Variants in SLC44A5 observed in about 807,000 individuals in gnomAD.
SLC44A5 encodes the protein choline transporter-like protein 5.
In SLC44A5, 57 loss-of-function variants were observed where a neutral mutation model predicts 101.8. The ratio of observed to expected loss-of-function variants is 0.56; its 90% CI spans 0.45 to 0.70. The LOEUF is 0.70. SLC44A5 is among the 30% of genes least tolerant of loss of function. The probability of loss-of-function intolerance (pLI) is 0.00; values close to 1 mark genes in which losing one functional copy is unlikely to be tolerated. For synonymous variants in SLC44A5, 281 were observed against 290.9 expected (o/e 0.97, Z 0.35); for missense variants, 737 against 853.1 (o/e 0.86, Z 1.70).
At chr1:75,685,146 G>A in the SLC44A5 span, among the ~76,000 whole-genome samples, 1 of 152,168 alleles carries the variant, frequency 6.6e-6, no homozygotes, top group Non-Finnish European at 1.5e-5. Flanking sequence ...TTTTAGCCAT[G>A]GCAGGGATGC....
chr1:75,319,571 G>C (rs1175336944), intron 4 of SLC44A5, among the ~76,000 whole-genome samples: 1 of 152,186 alleles, frequency 6.6e-6, no homozygotes, highest in Non-Finnish European at 1.5e-5. Flanking sequence ...CAAGACCCAA[G>C]TTCTGCCTTT....
intron 12 of SLC44A5, among the ~76,000 whole-genome samples, chr1:75,228,449 T>C (rs1016421925): frequency 2.4e-4 from 37 of 152,162 alleles, no homozygotes; most frequent in African/African-American, 8.7e-4. Flanking sequence ...TTACATGTTG[T>C]ATAACTTTTA....
At chr1:75,711,755 T>C in the SLC44A5 span, among the ~76,000 whole-genome samples, 4 of 152,172 alleles carry the variant, frequency 2.6e-5, no homozygotes, top group Admixed American at 2.0e-4. Context: ...CCTCAAAGCA[T>C]CCCTCTGTCT....
intron 2 of SLC44A5, among the ~76,000 whole-genome samples, chr1:75,456,968 A>G (rs1400446174): frequency 1.3e-5 from 2 of 152,240 alleles, no homozygotes; most frequent in Non-Finnish European, 2.9e-5. Flanking sequence ...TGGGAGAAAC[A>G]GCCTGTTATA....
At chr1:75,227,664 T>C (rs1444344337) in intron 13 of SLC44A5, 62 bp downstream of exon 13, 2 of 1,401,898 alleles carry the variant, frequency 1.4e-6, no homozygotes, top group Non-Finnish European at 9.5e-7. Context: ...AGTTTTCCTT[T>C]AGGCAAAAAG....
chr1:75,421,153 G>C (rs1557767628), intron 2 of SLC44A5, among the ~76,000 whole-genome samples: 1 of 151,796 alleles, frequency 6.6e-6, no homozygotes, highest in South Asian at 2.1e-4. Flanking sequence ...CCATAAAATA[G>C]CTTGAAAAAT....
At chr1:75,718,938 T>C in the SLC44A5 span, among the ~76,000 whole-genome samples, 1 of 152,238 alleles carries the variant, frequency 6.6e-6, no homozygotes, top group African/African-American at 2.4e-5. Flanking sequence ...TGTGTTATTT[T>C]ATGGCAATAT....
At chr1:75,330,140 CAT>C (rs1401526204) in intron 4 of SLC44A5, among the ~76,000 whole-genome samples, 7 of 90,210 alleles carry the variant, frequency 7.8e-5, no homozygotes, top group African/African-American at 2.5e-4. Context: ...CACACACACA[CAT>C]GCATATACGT....
chr1:75,440,610 T>C (rs911142571), intron 2 of SLC44A5, among the ~76,000 whole-genome samples: 17 of 152,122 alleles, frequency 1.1e-4, no homozygotes, highest in Non-Finnish European at 1.6e-4. Flanking sequence ...CGTGATCTCT[T>C]TTACATTTGT....
chr1:75,389,266 T>C (rs1661623448), intron 3 of SLC44A5, among the ~76,000 whole-genome samples: 1 of 152,132 alleles, frequency 6.6e-6, no homozygotes, highest in African/African-American at 2.4e-5. Context: ...TGTTAGATCA[T>C]CAAGGCAGAA....
intron 4 of SLC44A5, among the ~76,000 whole-genome samples, chr1:75,324,269 C>A (rs1656403287): frequency 6.6e-6 from 1 of 152,132 alleles, no homozygotes; most frequent in African/African-American, 2.4e-5. Flanking sequence ...CTTAAATGAT[C>A]TTCAAAGCAA....
intron 3 of SLC44A5, among the ~76,000 whole-genome samples, chr1:75,352,066 G>C (rs1295530098): frequency 6.6e-6 from 1 of 151,812 alleles, no homozygotes; most frequent in Non-Finnish European, 1.5e-5. Flanking sequence ...GATTTCTTTG[G>C]AGTACTGATA....
At chr1:75,250,321 G>T (rs587787) in intron 7 of SLC44A5, among the ~76,000 whole-genome samples, 106,668 of 152,004 alleles carry the variant, frequency 0.7, 37,923 homozygotes, top group East Asian at 0.93. Flanking sequence ...GTCTCTGCGA[G>T]GGACGTGACC....
At chr1:75,602,195 C>T (rs1675020815) in intron 1 of SLC44A5, among the ~76,000 whole-genome samples, 1 of 152,060 alleles carries the variant, frequency 6.6e-6, no homozygotes, top group East Asian at 1.9e-4. Flanking sequence ...TATTTATAAT[C>T]TATTATTTGC....
chr1:75,642,961 T>C, the SLC44A5 span, among the ~76,000 whole-genome samples: 1 of 152,190 alleles, frequency 6.6e-6, no homozygotes, highest in Non-Finnish European at 1.5e-5. Context: ...TAATTTGGCT[T>C]TAAAAATAGC....
intron 2 of SLC44A5, among the ~76,000 whole-genome samples, chr1:75,447,708 A>T (rs1380538262): frequency 2.6e-5 from 4 of 151,634 alleles, no homozygotes; most frequent in Non-Finnish European, 5.9e-5. Context: ...AAATACCCTA[A>T]TTTTTTCTTT....
rs144245109 is a variant in SLC44A5, at chr1:75,249,249, G to A, written c.345+1961C>T. Among the ~76,000 whole-genome samples the A allele has an allele frequency of 1.8e-3, 271 of 152,086 alleles. 1 individual carries two copies. The highest frequency in any genetic ancestry group is 6.3e-3 in the African/African-American group (261 of 41,484). ...AGCAGATTTACAAACTAATCCTAGG[G>A]ACTAGCTTTGGGTATAGTTACCGGC... On this transcript the variant is annotated intron_variant, in intron 7 of 23. Coordinates refer to ENST00000370859, the MANE Select transcript of SLC44A5 (RefSeq NM_001130058.2).
At chr1:75,281,634 A>AGGGGG (rs1652568439) in intron 5 of SLC44A5, among the ~76,000 whole-genome samples, 1 of 32,284 alleles carries the variant, frequency 3.1e-5, no homozygotes, top group Non-Finnish European at 5.8e-5. Context: ...GGCTGGTGCC[A>AGGGGG]GGCCCCCCCC....
intron 3 of SLC44A5, among the ~76,000 whole-genome samples, chr1:75,343,205 CT>C (rs1384181243): frequency 1.3e-5 from 2 of 152,160 alleles, no homozygotes; most frequent in Non-Finnish European, 2.9e-5. Context: ...AGTCATTTGA[CT>C]TTCTGATCAC....
Sources: gnomAD v4.1 joint callset for allele counts (sites outside exome capture counted in the v4.1 genomes callset) on GRCh38, gnomAD v4.1.1 for gene constraint, MANE v1.5 for transcripts, NCBI Gene and HGNC (gene_info 2026-07-23, HGNC 2026-07-21) for gene names.